EPB41L3: variants seen among roughly 807,000 people sequenced by gnomAD.
EPB41L3 encodes band 4.1-like protein 3.
EPB41L3 carries 57 observed loss-of-function variants against 127.1 expected under a neutral mutation model. That is an observed-to-expected ratio of 0.45 (90% CI 0.36 to 0.56). The LOEUF (loss-of-function observed/expected upper bound fraction) is 0.56, where lower values mean the gene tolerates loss of function less well. EPB41L3 is among the 20% of genes least tolerant of loss of function. EPB41L3 has a pLI of 0.00. For missense variants in EPB41L3, 1,273 were observed against 1,372.2 expected (o/e 0.93, Z 1.14); for synonymous variants, 572 against 549.5 (o/e 1.04, Z -0.57).
At chr18:5,481,067 T>C (rs1259718328) in intron 2 of EPB41L3, 1 of 152,198 alleles carries the variant, frequency 6.6e-6, no homozygotes, top group Admixed American at 6.5e-5. Context: ...TTCCTTAGGT[T>C]TGTCTACTAA....
At chr18:5,511,407 T>G (rs1177488583) in intron 1 of EPB41L3, among the ~76,000 whole-genome samples, 1 of 140,698 alleles carries the variant, frequency 7.1e-6, no homozygotes, top group Admixed American at 7.2e-5. Context: ...TTTTTTTTTT[T>G]TTTTTTTTTT....
intron 1 of EPB41L3, among the ~76,000 whole-genome samples, chr18:5,521,807 A>G (rs1303952164): frequency 6.6e-6 from 1 of 152,202 alleles, no homozygotes; most frequent in Non-Finnish European, 1.5e-5. Context: ...CTAGATAGAA[A>G]AGTGCCTGGC....
chr18:5,541,684 C>T (rs2093734692), intron 1 of EPB41L3, among the ~76,000 whole-genome samples: 1 of 152,146 alleles, frequency 6.6e-6, no homozygotes, highest in African/African-American at 2.4e-5. Flanking sequence ...TGTCCAAAGT[C>T]CAAGCAGTGT....
rs1568583732 is a variant in EPB41L3, at chr18:5,566,742, CTATT to C, written c.-306+45594_-306+45597del. ...CTATTCCATTCTATTCTATTCTATT[CTATT>C]CTATTCTATTCTATTCTATTCTATT... is the stretch of plus-strand genomic sequence containing the variant. On this transcript the variant is annotated intron_variant, in intron 3 of 21. Coordinates refer to the EPB41L3 transcript ENST00000545076. Among the ~76,000 whole-genome samples the C allele has an allele frequency of 2.6e-4, 33 of 126,698 alleles. 1 individual carries two copies. The East Asian group carries it at 7.6e-3, about 29-fold the overall frequency. The allele number at this position is 126,698 out of a possible 152,430, so 83.1% of individuals were successfully genotyped here. A position where few individuals can be genotyped will look rare whatever the true frequency, so the allele number is the denominator to read the frequency against.
chr18:5,399,357 C>T (rs8089025), intron 16 of EPB41L3: 25,293 of 398,880 alleles, frequency 0.063, 1,759 homozygotes, highest in African/African-American at 0.24. Flanking sequence ...AGTTGGTATT[C>T]TGTCTACAAT....
At chr18:5,619,137 G>A (rs929950205) in intron 1 of EPB41L3, among the ~76,000 whole-genome samples, 2 of 152,098 alleles carry the variant, frequency 1.3e-5, no homozygotes. Context: ...CAAGAATGGG[G>A]CTCTTGACTA....
chr18:5,541,034 G>A (rs1292441576), intron 1 of EPB41L3, among the ~76,000 whole-genome samples: 9 of 145,996 alleles, frequency 6.2e-5, no homozygotes, highest in Non-Finnish European at 1.0e-4. Context: ...GCAGTGAGCC[G>A]AGATCGCACC....
chr18:5,450,932 C>T (rs374755428), intron 3 of EPB41L3, among the ~76,000 whole-genome samples: 4 of 152,092 alleles, frequency 2.6e-5, no homozygotes, highest in East Asian at 1.9e-4. Context: ...CGTCAGGTTC[C>T]GGTTTGTTTT....
intron 6 of EPB41L3, among the ~76,000 whole-genome samples, chr18:5,435,616 C>G (rs1404652521): frequency 1.3e-5 from 2 of 152,122 alleles, no homozygotes; most frequent in African/African-American, 4.8e-5. Flanking sequence ...TTGTGCAAGT[C>G]CACTCTTAAG....
chr18:5,497,034 T>C (rs1056418136), intron 1 of EPB41L3, among the ~76,000 whole-genome samples: 2 of 152,100 alleles, frequency 1.3e-5, no homozygotes, highest in African/African-American at 4.8e-5. Flanking sequence ...ATTTAACCAG[T>C]GTTGAAATAT....
At chr18:5,532,751 G>A (rs1015158429) in intron 1 of EPB41L3, among the ~76,000 whole-genome samples, 2 of 152,042 alleles carry the variant, frequency 1.3e-5, no homozygotes, top group African/African-American at 4.8e-5. Flanking sequence ...TTCATCTTGG[G>A]GGTCAATAAA....
At position 5,610,662 on chromosome 18, in the gene EPB41L3, A is replaced by T. The variant is rs142387156; in HGVS notation, c.-306+1678T>A. Among the ~76,000 whole-genome samples, 380 of 151,822 alleles carry T rather than the reference A, an allele frequency of 2.5e-3. 1 individual carries two copies. Among genetic ancestry groups the T allele is most frequent in the African/African-American group, 8.3e-3 (345 of 41,530 alleles). On this transcript the variant is annotated intron_variant, in intron 3 of 21. Coordinates refer to the EPB41L3 transcript ENST00000545076. Reference sequence around the variant, plus strand: ...TAGTATAAAGTGATTTACACATTCCAACAAGCATTTGACTAAAACAATTCT... The same window carrying T: ...TAGTATAAAGTGATTTACACATTCCTACAAGCATTTGACTAAAACAATTCT...
At chr18:5,508,640 A>T (rs2092349548) in intron 1 of EPB41L3, among the ~76,000 whole-genome samples, 1 of 151,788 alleles carries the variant, frequency 6.6e-6, no homozygotes, top group Non-Finnish European at 1.5e-5. Flanking sequence ...GGAGGCAGGC[A>T]TCTGTAATCC....
intron 3 of EPB41L3, among the ~76,000 whole-genome samples, chr18:5,465,137 G>C (rs901708307): frequency 5.3e-5 from 8 of 152,210 alleles, no homozygotes; most frequent in Non-Finnish European, 1.2e-4. Flanking sequence ...AAACAGGACA[G>C]TGTGAGAAAA....
At chr18:5,487,377 A>G (rs2089929207) in intron 2 of EPB41L3, among the ~76,000 whole-genome samples, 1 of 150,230 alleles carries the variant, frequency 6.7e-6, no homozygotes, top group South Asian at 2.1e-4. Context: ...TTTAAAAAAT[A>G]TACATATATA....
At chr18:5,594,040 C>A (rs1014013423) in intron 3 of EPB41L3, among the ~76,000 whole-genome samples, 41 of 152,284 alleles carry the variant, frequency 2.7e-4, no homozygotes, top group African/African-American at 9.9e-4. Context: ...CCTGAGGCAA[C>A]ATACATCCTC....
chr18:5,518,413 C>T (rs2092840920), intron 1 of EPB41L3: 1 of 152,818 alleles, frequency 6.5e-6, no homozygotes, highest in Admixed American at 6.5e-5. Context: ...CCTAACTACT[C>T]CCTAAAATCC....
At chr18:5,439,131 GCCTAGGT>G (rs2080296311) in intron 5 of EPB41L3, among the ~76,000 whole-genome samples, 1 of 151,974 alleles carries the variant, frequency 6.6e-6, no homozygotes, top group Admixed American at 6.5e-5. Context: ...GTACACTAGA[GCCTAGGT>G]CCTGCTTGTA....
At chr18:5,541,009 C>T (rs1325520739) in intron 1 of EPB41L3, among the ~76,000 whole-genome samples, 5 of 144,024 alleles carry the variant, frequency 3.5e-5, no homozygotes, top group African/African-American at 5.1e-5. Context: ...GGCGTGAACC[C>T]GGGAGGCGGA....
Sources: gnomAD v4.1 joint callset for allele counts (sites outside exome capture counted in the v4.1 genomes callset) on GRCh38, gnomAD v4.1.1 for gene constraint, MANE v1.5 for transcripts, NCBI Gene and HGNC (gene_info 2026-07-23, HGNC 2026-07-21) for gene names.